LHFPL3: variants seen among roughly 807,000 people sequenced by gnomAD.
LHFPL3 encodes the protein LHFPL tetraspan subfamily member 3 protein.
A neutral mutation model predicts 19.3 loss-of-function variants in LHFPL3; 5 were observed. The ratio of observed to expected loss-of-function variants is 0.26; its 90% CI spans 0.14 to 0.54. The LOEUF (loss-of-function observed/expected upper bound fraction) is 0.54. Among genes scored for constraint, LHFPL3 ranks in the 20% least tolerant of loss-of-function variants. The pLI, the probability that LHFPL3 is intolerant of heterozygous loss-of-function variation, is 0.94. For missense variants in LHFPL3, 249 were observed against 307.4 expected (o/e 0.81, Z 1.42); for synonymous variants, 133 against 126.2 (o/e 1.05, Z -0.36).
intron 2 of LHFPL3, among the ~76,000 whole-genome samples, chr7:104,887,066 T>G (rs1321173575): frequency 6.6e-6 from 1 of 152,230 alleles, no homozygotes; most frequent in Non-Finnish European, 1.5e-5. Flanking sequence ...TCCAGAGAAT[T>G]TTCTCCTTTC....
chr7:104,421,226 T>A (rs1791727153), intron 1 of LHFPL3, among the ~76,000 whole-genome samples: 2 of 152,208 alleles, frequency 1.3e-5, no homozygotes, highest in South Asian at 4.1e-4. Flanking sequence ...TTGAAAAGTT[T>A]TAAGTATAAC....
Position 104,418,327 on chromosome 7 carries a change from A to G in LHFPL3, c.445+89103A>G, listed in dbSNP as rs78169512. Among the ~76,000 whole-genome samples, 1,318 of 152,280 alleles carry G rather than the reference A, an allele frequency of 8.7e-3. 77 individuals carry two copies. The East Asian group carries it at 0.16, about 19-fold the overall frequency. On this transcript the variant is annotated intron_variant, in intron 1 of 2. Transcript: ENST00000424859. ...GCAAGAGGATTGCCTGAGGCCAGAG[A>G]TTTGAGACCAGTCTGGGCAACATAC...
intron 2 of LHFPL3, among the ~76,000 whole-genome samples, chr7:104,870,023 T>C (rs1016315661): frequency 6.7e-6 from 1 of 149,900 alleles, no homozygotes; most frequent in African/African-American, 2.5e-5. Context: ...TTCTCACTCA[T>C]AGGTGGGAAT....
At chr7:104,518,730 G>C (rs1309421391) in intron 1 of LHFPL3, among the ~76,000 whole-genome samples, 1 of 152,042 alleles carries the variant, frequency 6.6e-6, no homozygotes, top group Non-Finnish European at 1.5e-5. Flanking sequence ...GTTGCAGTGA[G>C]CTGAGATTAC....
chr7:104,641,053 G>A lies in LHFPL3; in HGVS notation c.446-95622G>A, dbSNP rs952866200. On this transcript the variant is annotated intron_variant, in intron 1 of 2. Coordinates refer to ENST00000424859, the MANE Select transcript of LHFPL3 (RefSeq NM_199000.3). ...TTTCCCAAGTGAACATATCTGTGGT[G>A]AGGGAGCAAGAATCAGGCAGGCTAG... Among the ~76,000 whole-genome samples the A allele has an allele frequency of 2.0e-5, 3 of 152,240 alleles. No individual in the cohort carries two copies. In the East Asian group the frequency reaches 5.8e-4, roughly 29 times the overall value.
At chr7:104,493,820 T>G (rs879177817) in intron 1 of LHFPL3, among the ~76,000 whole-genome samples, 1 of 152,160 alleles carries the variant, frequency 6.6e-6, no homozygotes, top group Non-Finnish European at 1.5e-5. Flanking sequence ...GGTCTCTTAC[T>G]TCTCTGTACC....
At chr7:104,698,081 C>G (rs1793030446) in intron 1 of LHFPL3, among the ~76,000 whole-genome samples, 1 of 152,036 alleles carries the variant, frequency 6.6e-6, no homozygotes, top group African/African-American at 2.4e-5. Flanking sequence ...GAGGAACGTG[C>G]TCAGCAGTCA....
At chr7:104,359,851 CAATT>C (rs1315775755) in intron 1 of LHFPL3, among the ~76,000 whole-genome samples, 76 of 152,250 alleles carry the variant, frequency 5.0e-4, no homozygotes, top group Admixed American at 4.8e-3. Context: ...TATTGAAAGA[CAATT>C]ATTTATGAGT....
At chr7:104,875,234 T>A (rs1436581065) in intron 2 of LHFPL3, among the ~76,000 whole-genome samples, 1 of 138,252 alleles carries the variant, frequency 7.2e-6, no homozygotes, top group African/African-American at 2.6e-5. Context: ...TACCTATAGA[T>A]AAGGTAAGCC....
chr7:104,891,013 C>G lies in LHFPL3; in HGVS notation c.683-15174C>G, dbSNP rs375941450. 3.9e-5 allele frequency among the ~76,000 whole-genome samples: 6 copies of G among 151,922 alleles called. No individual in the cohort carries two copies. The East Asian group carries it at 7.7e-4, about 20-fold the overall frequency. On this transcript the variant is annotated intron_variant, in intron 2 of 2. Transcript: ENST00000424859. ...CATAGTAGAGAATTTCTGTTTCTAC[C>G]ATTATGACACAACTGTTGCAGCTAT... is the stretch of plus-strand genomic sequence containing the variant.
chr7:104,733,919 G>T (rs1267684113), intron 1 of LHFPL3, among the ~76,000 whole-genome samples: 3 of 152,118 alleles, frequency 2.0e-5, no homozygotes, highest in African/African-American at 7.2e-5. Flanking sequence ...CAGGCCTGGT[G>T]GTGACAAAAT....
intron 1 of LHFPL3, among the ~76,000 whole-genome samples, chr7:104,644,497 C>T (rs1365204531): frequency 6.6e-6 from 1 of 152,186 alleles, no homozygotes; most frequent in African/African-American, 2.4e-5. Context: ...CATCCATGCC[C>T]GCTCCCAGGA....
chr7:104,645,914 C>T (rs1055260466), intron 1 of LHFPL3, among the ~76,000 whole-genome samples: 3 of 152,052 alleles, frequency 2.0e-5, no homozygotes, highest in Non-Finnish European at 4.4e-5. Flanking sequence ...CCCGCCTCGG[C>T]CTCCCAAAGT....
chr7:104,609,927 G>C (rs2115742989), intron 1 of LHFPL3, among the ~76,000 whole-genome samples: 1 of 152,270 alleles, frequency 6.6e-6, no homozygotes, highest in East Asian at 1.9e-4. Flanking sequence ...TTTTAATTAT[G>C]AAACTATTCA....
intron 1 of LHFPL3, among the ~76,000 whole-genome samples, chr7:104,589,416 A>C (rs185386567): frequency 1.6e-4 from 24 of 152,290 alleles, no homozygotes; most frequent in African/African-American, 3.1e-4. Flanking sequence ...GATTACATTT[A>C]TTGATTTGCA....
At chr7:104,899,181 C>G (rs1411718482) in intron 2 of LHFPL3, among the ~76,000 whole-genome samples, 1 of 151,670 alleles carries the variant, frequency 6.6e-6, no homozygotes, top group Non-Finnish European at 1.5e-5. Flanking sequence ...TTATAAACAC[C>G]TTATAAGCAT....
intron 1 of LHFPL3, among the ~76,000 whole-genome samples, chr7:104,348,625 G>T (rs934496377): frequency 6.6e-5 from 10 of 152,202 alleles, no homozygotes; most frequent in Non-Finnish European, 1.5e-5. Flanking sequence ...ATAGAGCCAA[G>T]TAAACACTAA....
At chr7:104,837,007 CTCCGT>C (rs1434036942) in intron 2 of LHFPL3, among the ~76,000 whole-genome samples, 3 of 152,186 alleles carry the variant, frequency 2.0e-5, no homozygotes, top group African/African-American at 7.2e-5. Flanking sequence ...TGATGAAGAT[CTCCGT>C]TCCATTAGGA....
intron 1 of LHFPL3, among the ~76,000 whole-genome samples, chr7:104,470,861 G>A (rs6955069): frequency 0.37 from 56,140 of 151,796 alleles, 10,699 homozygotes; most frequent in Middle Eastern, 0.42. Context: ...TCTCATTTCC[G>A]TCATCTAGTT....
Sources: allele counts gnomAD v4.1 joint callset (sites outside exome capture counted in the v4.1 genomes callset), GRCh38; gene constraint gnomAD v4.1.1; transcripts MANE v1.5; gene names NCBI Gene and HGNC (gene_info 2026-07-23, HGNC 2026-07-21).